Variants in EPB41L4A observed in about 807,000 individuals in gnomAD.
EPB41L4A encodes erythrocyte membrane protein band 4.1 like 4A.
A neutral mutation model predicts 108.6 loss-of-function variants in EPB41L4A; 100 were observed. The observed-to-expected ratio is 0.92, with a 90% confidence interval of 0.78 to 1.09. The LOEUF (loss-of-function observed/expected upper bound fraction) is 1.09, where lower values mean the gene tolerates loss of function less well. Ranked by LOEUF, EPB41L4A falls within the 50% of genes least tolerant of loss-of-function variation. The pLI, the probability that EPB41L4A is intolerant of heterozygous loss-of-function variation, is 0.00. For missense variants in EPB41L4A, 1,030 were observed against 842.7 expected (o/e 1.22, Z -2.75); for synonymous variants, 319 against 289.0 (o/e 1.10, Z -1.05).
At chr5:112,344,140 G>T (rs918591320) in intron 1 of EPB41L4A, among the ~76,000 whole-genome samples, 21 of 151,844 alleles carry the variant, frequency 1.4e-4, no homozygotes, top group African/African-American at 4.9e-4. Context: ...TAGGATTATG[G>T]TTTTTTAAAA....
At chr5:112,363,715 T>C (rs144047315) in intron 1 of EPB41L4A, 4 of 146,522 alleles carry the variant, frequency 2.7e-5, no homozygotes, top group Admixed American at 7.2e-5. Flanking sequence ...CACTTACCAT[T>C]TGATGATTCT....
chr5:112,357,534 C>A (rs1441902117), intron 1 of EPB41L4A, among the ~76,000 whole-genome samples: 6 of 152,132 alleles, frequency 3.9e-5, no homozygotes, highest in Admixed American at 6.5e-5. Flanking sequence ...GAAACTTGGG[C>A]CCGGTTTAGA....
At chr5:112,200,971 T>A (rs1490465203) in intron 15 of EPB41L4A, among the ~76,000 whole-genome samples, 5 of 152,342 alleles carry the variant, frequency 3.3e-5, no homozygotes, top group Non-Finnish European at 7.3e-5. Context: ...TAATTTCCTA[T>A]TATTAAATTT....
At chr5:112,365,938 A>G (rs1759096699) in intron 1 of EPB41L4A, among the ~76,000 whole-genome samples, 1 of 152,236 alleles carries the variant, frequency 6.6e-6, no homozygotes, top group Non-Finnish European at 1.5e-5. Flanking sequence ...ACAAGGTAAG[A>G]ATGTTAGCCT....
chr5:112,337,916 A>C (rs2150686801), intron 1 of EPB41L4A, among the ~76,000 whole-genome samples: 1 of 152,264 alleles, frequency 6.6e-6, no homozygotes, highest in South Asian at 2.1e-4. Context: ...AGCAGAAACA[A>C]AGGTACCAAT....
intron 1 of EPB41L4A, among the ~76,000 whole-genome samples, chr5:112,368,997 G>A (rs1019302467): frequency 5.3e-5 from 8 of 151,994 alleles, no homozygotes; most frequent in African/African-American, 1.9e-4. Flanking sequence ...CTCCTTCCAC[G>A]GTTCTAACTC....
intron 12 of EPB41L4A, among the ~76,000 whole-genome samples, chr5:112,147,391 G>T (rs1019871770): frequency 1.4e-4 from 21 of 152,250 alleles, no homozygotes; most frequent in African/African-American, 5.1e-4. Flanking sequence ...TGTAATCCCA[G>T]CACTTTGGGA....
At chr5:112,148,509 TTTTA>T (rs1392375598) in intron 12 of EPB41L4A, among the ~76,000 whole-genome samples, 6 of 152,038 alleles carry the variant, frequency 3.9e-5, no homozygotes, top group Admixed American at 1.3e-4. Flanking sequence ...TATTCCATTT[TTTTA>T]TTTATTTTTT....
chr5:112,158,139 G>C (rs1322107773), downstream of EPB41L4A, among the ~76,000 whole-genome samples: 3 of 152,140 alleles, frequency 2.0e-5, no homozygotes, highest in Admixed American at 6.5e-5. Flanking sequence ...TTAGGGAAGA[G>C]ATACAAAGGG....
chr5:112,148,374 A>C (rs1479090914), intron 12 of EPB41L4A, among the ~76,000 whole-genome samples: 1 of 151,570 alleles, frequency 6.6e-6, no homozygotes, highest in Non-Finnish European at 1.5e-5. Flanking sequence ...AATTAGGGTT[A>C]TATTTCTTTT....
chr5:112,401,159 T>C (rs577820464), intron 1 of EPB41L4A, among the ~76,000 whole-genome samples: 3 of 152,232 alleles, frequency 2.0e-5, no homozygotes, highest in Non-Finnish European at 2.9e-5. Context: ...TGAGAGGAAA[T>C]GAAAAAGTCA....
intron 17 of EPB41L4A, among the ~76,000 whole-genome samples, chr5:112,186,512 G>T (rs946024725): frequency 2.6e-5 from 4 of 152,094 alleles, no homozygotes; most frequent in Non-Finnish European, 5.9e-5. Flanking sequence ...TTTTCTAACT[G>T]AAAAGTCTAA....
intron 1 of EPB41L4A, among the ~76,000 whole-genome samples, chr5:112,396,896 C>G (rs553834655): frequency 6.6e-6 from 1 of 152,152 alleles, no homozygotes; most frequent in Admixed American, 6.5e-5. Context: ...CTGCAATGAC[C>G]AACATGGTGC....
intron 1 of EPB41L4A, among the ~76,000 whole-genome samples, chr5:112,402,030 C>T (rs1361833074): frequency 6.6e-6 from 1 of 152,190 alleles, no homozygotes. Context: ...AAAACATACA[C>T]CAGTGATGTG....
chr5:112,360,387 C>A (rs924132796), intron 1 of EPB41L4A, among the ~76,000 whole-genome samples: 8 of 152,366 alleles, frequency 5.3e-5, no homozygotes, highest in Admixed American at 1.3e-4. Context: ...GATTCTCCTG[C>A]CTCAGCCTGC....
intron 15 of EPB41L4A, among the ~76,000 whole-genome samples, chr5:112,204,060 T>C (rs1762347970): frequency 6.6e-6 from 1 of 151,032 alleles, no homozygotes; most frequent in African/African-American, 2.4e-5. Context: ...AGATATACTG[T>C]CTCTACTTTG....
chr5:112,185,223 G>C (rs1272308154), intron 17 of EPB41L4A, among the ~76,000 whole-genome samples: 1 of 152,102 alleles, frequency 6.6e-6, no homozygotes, highest in Non-Finnish European at 1.5e-5. Context: ...GGAATTGCCA[G>C]GCACTCACCC....
Position 112,169,091 on chromosome 5 carries a change from G to A in EPB41L4A, c.1754C>T (p.Pro585Leu), listed in dbSNP as rs1760424991. The A allele has an allele frequency of 6.2e-7, 1 of 1,613,572 alleles. No homozygotes were observed. Among genetic ancestry groups the A allele is most frequent in the Non-Finnish European group, 8.5e-7 (1 of 1,179,546 alleles). The change falls in exon 21 of 23, where the codon CCA becomes CTA. Residue 585 changes from proline to leucine, a missense_variant. Physicochemically the swap from Pro to Leu is moderately conservative, Grantham distance 98 (BLOSUM62 -3). Transcript: ENST00000261486. ...CGAATGAGAATGCCTGATGCGGATT[G>A]GGTCACCTTGTGTCCTGAACAAGCA... ...PYTKIETQGD[P>L]IRIRHSHSPR...
At chr5:112,173,189 C>G (rs1315787302) in intron 18 of EPB41L4A, among the ~76,000 whole-genome samples, 1 of 152,100 alleles carries the variant, frequency 6.6e-6, no homozygotes, top group African/African-American at 2.4e-5. Context: ...ACAGCAGAAC[C>G]TAAATCTTAA....
Sources: gnomAD v4.1 joint callset for allele counts (sites outside exome capture counted in the v4.1 genomes callset) on GRCh38, gnomAD v4.1.1 for gene constraint, MANE v1.5 for transcripts, NCBI Gene and HGNC (gene_info 2026-07-23, HGNC 2026-07-21) for gene names.